The following ALS2 variants were observed in gnomAD, a reference collection of about 807,000 sequenced individuals.
The protein encoded by ALS2 is alsin Rho guanine nucleotide exchange factor ALS2.
In ALS2, 117 loss-of-function variants were observed where a neutral mutation model predicts 203.4. That is an observed-to-expected ratio of 0.58 (90% CI 0.50 to 0.67). The LOEUF (loss-of-function observed/expected upper bound fraction) is 0.67, where lower values mean the gene tolerates loss of function less well. ALS2 is among the 30% of genes least tolerant of loss of function. The pLI is 0.00. For missense variants in ALS2, 1,715 were observed against 1,989.4 expected (o/e 0.86, Z 2.62); for synonymous variants, 718 against 725.9 (o/e 0.99, Z 0.17).
intron 3 of ALS2, among the ~76,000 whole-genome samples, chr2:201,764,722 TA>T (rs1386672592): frequency 6.6e-6 from 1 of 152,012 alleles, no homozygotes; most frequent in Non-Finnish European, 1.5e-5. Context: ...AATTATGAGC[TA>T]ATGGTCATAT....
chr2:201,706,757 A>T, intron 29 of ALS2, 89 bp downstream of exon 29: 1 of 1,322,904 alleles, frequency 7.6e-7, no homozygotes, highest in Non-Finnish European at 1.1e-6. Flanking sequence ...CCATATATAT[A>T]ATTAGATATC....
Position 201,754,564 on chromosome 2 carries a change from C to G in ALS2, c.1579G>C (p.Glu527Gln). 6.2e-7 allele frequency: 1 copy of G among 1,614,158 alleles called. No homozygotes were observed. The highest frequency in any genetic ancestry group is 8.5e-7 in the Non-Finnish European group (1 of 1,180,020). ...TTCCCTTTCCCCCAGGTCCACACTT[C>G]TGTTCTCAGAGAAGGCAGGAGCGCA... ...ADALLPSLRT[E>Q]VWTWGKGKEG... Residue 527 changes from glutamate (E) to glutamine (Q), a missense_variant, in exon 6 of 34, where the codon GAA becomes CAA. By Grantham distance (29) the Glu-to-Gln change is conservative (BLOSUM62 2). Coordinates refer to ENST00000264276, the MANE Select transcript of ALS2 (RefSeq NM_020919.4).
intron 24 of ALS2, among the ~76,000 whole-genome samples, chr2:201,717,797 G>A (rs753754321): frequency 2.3e-4 from 35 of 151,794 alleles, no homozygotes; most frequent in Non-Finnish European, 4.1e-4. Flanking sequence ...AAAATTAGCC[G>A]GGCATGGTAG....
At chr2:201,770,946 T>C (rs1055587720) in intron 1 of ALS2, among the ~76,000 whole-genome samples, 49 of 152,328 alleles carry the variant, frequency 3.2e-4, no homozygotes, top group Middle Eastern at 6.8e-3. Flanking sequence ...TTTATTTGTG[T>C]TATTTTAAGC....
intron 1 of ALS2, among the ~76,000 whole-genome samples, chr2:201,774,465 A>T (rs898148401): frequency 6.6e-6 from 1 of 152,142 alleles, no homozygotes; most frequent in African/African-American, 2.4e-5. Flanking sequence ...CTGTTTCTTT[A>T]TTTTATCCCA....
chr2:201,706,898 G>A lies in ALS2; in HGVS notation c.4528C>T (p.Arg1510Ter), dbSNP rs1391892163. ...GCAATATCTGGCTGCTTATTTAGTC[G>A]AAGGACACATTCCCAGTAAATGTCT... The part of the protein sequence containing the change: ...EEDIYWECVL[R>*]LNKQPDIALL... Residue 1510 changes from arginine (R) to a stop codon, truncating the protein, a stop_gained, in exon 29 of 34, where the codon CGA becomes TGA. Transcript: ENST00000264276. LOFTEE classifies it high-confidence loss of function. 3.7e-6 allele frequency: 6 copies of A among 1,613,972 alleles called. No individual in the cohort carries two copies. The highest frequency in any genetic ancestry group is 5.1e-6 in the Non-Finnish European group (6 of 1,179,962).
rs746224696 is a variant in ALS2 at position 201,725,395 on chromosome 2, T to A, written c.3308A>T (p.His1103Leu). The A allele has an allele frequency of 6.2e-7, 1 of 1,614,140 alleles. No homozygotes were observed. The highest frequency in any genetic ancestry group is 8.5e-7 in the Non-Finnish European group (1 of 1,180,000). The change falls in exon 20 of 34, where the codon CAT becomes CTT. Residue 1103 changes from histidine to leucine, a missense_variant. This residue lies in a region of ALS2 where 1,227 missense variants were observed against 1,413.5 expected (regional missense o/e 0.87). Coordinates refer to ENST00000264276, the MANE Select transcript of ALS2 (RefSeq NM_020919.4). Reference protein sequence around the residue: ...AMNKEDHYVGHWKEGKMCGQG... With the variant: ...AMNKEDHYVGLWKEGKMCGQG... Reference sequence around the variant, plus strand: ...ACCGCACATTTTTCCTTCTTTCCAATGGCCCACATAATGGTCTTCTTTGTT... The same window carrying A: ...ACCGCACATTTTTCCTTCTTTCCAAAGGCCCACATAATGGTCTTCTTTGTT...
At chr2:201,702,477 A>T (rs1228525707) in intron 33 of ALS2, among the ~76,000 whole-genome samples, 1 of 152,064 alleles carries the variant, frequency 6.6e-6, no homozygotes, top group Non-Finnish European at 1.5e-5. Context: ...ACATTTTTTG[A>T]TGTTGTTGAT....
intron 23 of ALS2, 52 bp from the exon 24 acceptor site, chr2:201,718,262 T>C: frequency 1.3e-6 from 2 of 1,570,810 alleles, no homozygotes; most frequent in South Asian, 1.1e-5. Flanking sequence ...ATATTCAATA[T>C]TCATTTATTT....
At chr2:201,768,730 G>C in intron 2 of ALS2, 136 bp downstream of exon 2, 1 of 786,202 alleles carries the variant, frequency 1.3e-6, no homozygotes, top group Non-Finnish European at 2.0e-6. Flanking sequence ...CTTTACCAAC[G>C]AACTAACTAC....
rs1693771102 is a variant in ALS2 at position 201,761,566 on chromosome 2, T to C, written c.428A>G (p.Glu143Gly). 6.2e-7 allele frequency: 1 copy of C among 1,614,066 alleles called. No individual in the cohort carries two copies. Among genetic ancestry groups the C allele is most frequent in the Non-Finnish European group, 8.5e-7 (1 of 1,180,034 alleles). ...EPNPVSIADS[E>G]ASPLLAVRIL... ...CCTGACTGCTAACAAAGGGCTGGCC[T>C]CAGAATCAGCAATGCTGACAGGATT... Residue 143 changes from glutamate (E) to glycine (G), a missense_variant, in exon 4 of 34, where the codon GAG (glutamate) becomes GGG (glycine). Around this residue, in one of 3 missense-constraint regions of ALS2, gnomAD observed 476 missense variants for 539.3 expected, o/e 0.88. Coordinates refer to ENST00000264276, the MANE Select transcript of ALS2 (RefSeq NM_020919.4).
intron 4 of ALS2, chr2:201,759,941 C>T (rs563606641): frequency 3.0e-5 from 30 of 983,918 alleles, no homozygotes; most frequent in Middle Eastern, 5.2e-4. Context: ...TTAGTTTAAG[C>T]GGGAACTCAA....
rs7592619 is a variant in ALS2 at position 201,708,317 on chromosome 2, C to G, written c.4281-326G>C. Reference sequence around the variant, plus strand: ...ACTCTGAGCAAGGACCACTCTTCTACAATATAAGCAAACACCGACAGAAAT... The same window carrying G: ...ACTCTGAGCAAGGACCACTCTTCTAGAATATAAGCAAACACCGACAGAAAT... On this transcript the variant is annotated intron_variant, in intron 27 of 33. Coordinates refer to ENST00000264276, the MANE Select transcript of ALS2 (RefSeq NM_020919.4). Among the ~76,000 whole-genome samples, 136,123 of 152,214 alleles carry G rather than the reference C, an allele frequency of 0.89. 61,077 individuals are homozygous for G. The highest frequency in any genetic ancestry group is 0.98 in the East Asian group (5,096 of 5,176).
chr2:201,744,585 G>A (rs926623478), intron 9 of ALS2, among the ~76,000 whole-genome samples, 156 bp from the exon 10 acceptor site: 4 of 152,078 alleles, frequency 2.6e-5, no homozygotes, highest in Admixed American at 2.0e-4. Context: ...CTTGAAAATT[G>A]GCCATAGTGA....
rs540881029 is a variant in ALS2 at position 201,727,179 on chromosome 2, G to A, written c.2979+33C>T. ...CACAAGAGGCAGAAAGAGCCAGGGC[G>A]AAGATTGAAGGAAAATACCATAATA... On this transcript the variant is annotated intron_variant, in intron 17 of 33. Transcript: ENST00000264276. 3.6e-4 allele frequency: 558 copies of A among 1,552,476 alleles called. 8 individuals carry two copies. The South Asian group carries it at 5.5e-3, about 15-fold the overall frequency.
Position 201,700,421 on chromosome 2 carries a change from C to T in ALS2, c.*1430G>A, listed in dbSNP as rs1689315388. ...TTTTAAAGACAGAGATTTCTAAAAC[C>T]CCAGAGGGACTTTTGAGGCCAATAC... On this transcript the variant is annotated 3_prime_UTR_variant, in exon 34 of 34. Coordinates refer to ENST00000264276, the MANE Select transcript of ALS2 (RefSeq NM_020919.4). The T allele has an allele frequency of 6.6e-6, 1 of 152,376 alleles. No homozygotes were observed. The highest frequency in any genetic ancestry group is 1.5e-5 in the Non-Finnish European group (1 of 68,018). 9.4% of individuals were successfully genotyped at this position (152,376 alleles called of 1,614,324 possible).
At chr2:201,740,044 G>A (rs1049716348) in intron 11 of ALS2, among the ~76,000 whole-genome samples, 2 of 152,054 alleles carry the variant, frequency 1.3e-5, no homozygotes, top group South Asian at 4.1e-4. Context: ...AATAATTTTC[G>A]CCAGGCACAG....
chr2:201,705,715 T>C (rs529995826), intron 29 of ALS2, among the ~76,000 whole-genome samples: 1 of 152,274 alleles, frequency 6.6e-6, no homozygotes, highest in South Asian at 2.1e-4. Flanking sequence ...CTCAGTTTTA[T>C]CTCATTTCTA....
intron 25 of ALS2, among the ~76,000 whole-genome samples, chr2:201,714,681 A>G (rs777938289): frequency 6.6e-6 from 1 of 152,226 alleles, no homozygotes; most frequent in Non-Finnish European, 1.5e-5. Context: ...CCATGGTGCC[A>G]ATGCCAGTTC....
Sources: gnomAD v4.1 joint callset for allele counts (sites outside exome capture counted in the v4.1 genomes callset) on GRCh38, gnomAD v4.1.1 for gene constraint, gnomAD v4.1.1 regional missense constraint, MANE v1.5 for transcripts, NCBI Gene and HGNC (gene_info 2026-07-23, HGNC 2026-07-21) for gene names.